FGD6: variants seen among roughly 807,000 people sequenced by gnomAD.
FGD6 encodes FYVE, RhoGEF and PH domain containing 6.
Under a neutral mutation model 149.4 loss-of-function variants are expected in FGD6, and 90 were observed. That is an observed-to-expected ratio of 0.60 (90% CI 0.51 to 0.72). The LOEUF (loss-of-function observed/expected upper bound fraction) is 0.72. Among genes scored for constraint, FGD6 ranks in the 30% least tolerant of loss-of-function variants. The pLI, the probability that FGD6 is intolerant of heterozygous loss-of-function variation, is 0.00. For synonymous variants in FGD6, 527 were observed against 584.0 expected, an observed-to-expected ratio of 0.90 and a Z score of 1.41; for missense variants, 1,437 against 1,684.8, an observed-to-expected ratio of 0.85 and a Z score of 2.57.
intron 8 of FGD6, chr12:95,125,792 G>A: frequency 1.3e-6 from 1 of 767,854 alleles, no homozygotes; most frequent in Non-Finnish European, 2.4e-6. Flanking sequence ...AGGTTGGCTG[G>A]GCAACCTACG....
chr12:95,152,497 G>C (rs556617415), intron 5 of FGD6, among the ~76,000 whole-genome samples: 129 of 152,258 alleles, frequency 8.5e-4, no homozygotes, highest in African/African-American at 3.0e-3. Context: ...TTAGGTAGGA[G>C]AAAAACACTT....
chr12:95,082,472 A>G (rs1877708834), intron 20 of FGD6, among the ~76,000 whole-genome samples: 1 of 151,956 alleles, frequency 6.6e-6, no homozygotes, highest in South Asian at 2.1e-4. Context: ...AGCCTGGCCA[A>G]TATGGTGAAA....
intron 2 of FGD6, among the ~76,000 whole-genome samples, chr12:95,201,684 C>G (rs1305572553): frequency 1.3e-5 from 2 of 152,120 alleles, no homozygotes; most frequent in Admixed American, 6.6e-5. Context: ...TCCCAAAAGA[C>G]TTACACTGGG....
intron 13 of FGD6, 35 bp downstream of exon 13, chr12:95,106,919 A>T: frequency 8.5e-7 from 1 of 1,177,486 alleles, no homozygotes; most frequent in Non-Finnish European, 1.1e-6. Context: ...AAACAAAACA[A>T]AACAAAAAAC....
At chr12:95,199,149 C>A (rs1881801738) in intron 2 of FGD6, among the ~76,000 whole-genome samples, 1 of 152,140 alleles carries the variant, frequency 6.6e-6, no homozygotes. Context: ...AGGCTTTCCA[C>A]CCCAGCATTA....
intron 14 of FGD6, among the ~76,000 whole-genome samples, chr12:95,096,407 A>C (rs1878232873): frequency 1.3e-5 from 2 of 152,210 alleles, no homozygotes; most frequent in South Asian, 4.1e-4. Context: ...TTTACAAATA[A>C]AATTTTAAAT....
At chr12:95,116,266 C>T (rs1349909503) in intron 8 of FGD6, among the ~76,000 whole-genome samples, 1 of 152,074 alleles carries the variant, frequency 6.6e-6, no homozygotes, top group African/African-American at 2.4e-5. Context: ...GACAAACTTA[C>T]CCTACCCTCC....
intron 8 of FGD6, among the ~76,000 whole-genome samples, chr12:95,114,688 C>CT: frequency 6.6e-6 from 1 of 152,226 alleles, no homozygotes; most frequent in Non-Finnish European, 1.5e-5. Context: ...TTTAATAAAT[C>CT]TTTAACACCA....
intron 3 of FGD6, among the ~76,000 whole-genome samples, chr12:95,153,940 TGTGTGTGA>T (rs904981046): frequency 1.1e-4 from 14 of 131,450 alleles, no homozygotes; most frequent in Admixed American, 5.3e-4. Flanking sequence ...TGTGTGTGTG[TGTGTGTGA>T]GTGAGAGAGA....
intron 3 of FGD6, among the ~76,000 whole-genome samples, chr12:95,168,833 G>A (rs1361021834): frequency 1.3e-5 from 2 of 152,150 alleles, no homozygotes; most frequent in Admixed American, 1.3e-4. Flanking sequence ...CTAAGGCAAA[G>A]TAAAATTAAG....
At chr12:95,104,971 GAAAA>G (rs11331948) in intron 14 of FGD6, 32 bp downstream of exon 14, 1,317 of 1,346,370 alleles carry the variant, frequency 9.8e-4, no homozygotes, top group South Asian at 2.6e-3. Context: ...CTCAGAATGA[GAAAA>G]AAAAAAAAAA....
intron 9 of FGD6, 113 bp downstream of exon 9, chr12:95,113,538 C>T: frequency 3.5e-6 from 3 of 867,640 alleles, no homozygotes; most frequent in Non-Finnish European, 5.4e-6. Context: ...ACCTGCCCTT[C>T]AAGTCGTATG....
In FGD6 at chr12:95,078,278, A is replaced by G. The variant is rs573293426; in HGVS notation, c.*3242T>C. 3 of 152,352 alleles carry G rather than the reference A, an allele frequency of 2.0e-5. No individual in the cohort carries two copies. The highest frequency in any genetic ancestry group is 7.2e-5 in the African/African-American group (3 of 41,572). The allele number at this position is 152,352 out of a possible 1,614,324, so 9.4% of individuals were successfully genotyped here. ...TGGTACACTAAGAAAAACAATATGT[A>G]TCTCTGGAAATCCCATTGACTACAT... On this transcript the variant is annotated 3_prime_UTR_variant, in exon 21 of 21. Transcript: ENST00000343958.
chr12:95,156,325 G>T (rs916694301), intron 3 of FGD6, among the ~76,000 whole-genome samples: 12 of 151,620 alleles, frequency 7.9e-5, no homozygotes, highest in South Asian at 2.1e-4. Flanking sequence ...GAAAGAGAAT[G>T]CATCCCTGAG....
At chr12:95,207,878 G>A (rs890493337) in intron 2 of FGD6, among the ~76,000 whole-genome samples, 3 of 152,200 alleles carry the variant, frequency 2.0e-5, no homozygotes, top group Non-Finnish European at 4.4e-5. Flanking sequence ...AAGACTGAGG[G>A]GGTGGATTAT....
intron 20 of FGD6, among the ~76,000 whole-genome samples, 164 bp downstream of exon 20, chr12:95,084,334 T>C (rs940566232): frequency 2.6e-5 from 4 of 152,250 alleles, no homozygotes; most frequent in African/African-American, 9.6e-5. Context: ...GCCTTGTCTT[T>C]AAAACAATTC....
intron 8 of FGD6, chr12:95,126,006 A>G (rs1169869121): frequency 1.5e-6 from 2 of 1,375,138 alleles, no homozygotes; most frequent in African/African-American, 1.4e-5. Flanking sequence ...GGTAGACATC[A>G]ATACAAAATG....
At chr12:95,204,334 C>T (rs142559969) in intron 2 of FGD6, among the ~76,000 whole-genome samples, 8 of 152,274 alleles carry the variant, frequency 5.3e-5, no homozygotes, top group African/African-American at 1.9e-4. Flanking sequence ...CCAGTCTCCT[C>T]CTCTGGTTTC....
intron 3 of FGD6, among the ~76,000 whole-genome samples, chr12:95,163,851 AATC>A (rs1375812144): frequency 6.6e-6 from 1 of 152,352 alleles, no homozygotes; most frequent in African/African-American, 2.4e-5. Context: ...AATGGATTAT[AATC>A]ATCTTCAAAG....
Sources: gnomAD v4.1 joint callset for allele counts (sites outside exome capture counted in the v4.1 genomes callset) on GRCh38, gnomAD v4.1.1 for gene constraint, MANE v1.5 for transcripts, NCBI Gene and HGNC (gene_info 2026-07-23, HGNC 2026-07-21) for gene names.